The following ABI1 variants were observed in gnomAD, a reference collection of about 807,000 sequenced individuals.
ABI1 encodes the protein abl interactor 1.
A neutral mutation model predicts 54.6 loss-of-function variants in ABI1; 14 were observed. That is an observed-to-expected ratio of 0.26 (90% confidence interval 0.17 to 0.40). The LOEUF is 0.40. Among genes scored for constraint, ABI1 ranks in the 10% least tolerant of loss-of-function variants. The pLI, the probability that ABI1 is intolerant of heterozygous loss-of-function variation, is 1.00. For synonymous variants in ABI1, 194 were observed against 209.3 expected (o/e 0.93, Z 0.63); for missense variants, 443 against 598.3 (o/e 0.74, Z 2.71).
At chr10:26,767,106 T>C (rs1840057572) in intron 6 of ABI1, among the ~76,000 whole-genome samples, 1 of 152,212 alleles carries the variant, frequency 6.6e-6, no homozygotes, top group South Asian at 2.1e-4. Flanking sequence ...AAATGCCTAG[T>C]ATCTAATGAA....
chr10:26,762,984 T>C (rs972886784), intron 7 of ABI1, among the ~76,000 whole-genome samples: 2 of 152,246 alleles, frequency 1.3e-5, no homozygotes, highest in Non-Finnish European at 1.5e-5. Context: ...AGCTAACTTC[T>C]ACCTTTTTAC....
intron 1 of ABI1, among the ~76,000 whole-genome samples, chr10:26,835,106 A>AAAC (rs1554829833): frequency 0.088 from 10,990 of 124,686 alleles, 1,403 homozygotes; most frequent in African/African-American, 0.2. Flanking sequence ...AAAAAAAAAA[A>AAAC]AAAAAAAAAC....
rs1298596275 is a variant in ABI1 at position 26,748,747 on chromosome 10, T to A, written c.1271-2A>T. On this transcript the variant is annotated splice_acceptor_variant, in intron 10 of 10. Transcript: ENST00000376140. LOFTEE classifies it high-confidence loss of function. ...TTGTATAATCATATATTGCAACAAC[T>A]ATGGAAAAAACAGTTGAAATATCAC... 1 of 1,605,430 alleles carries A rather than the reference T, an allele frequency of 6.2e-7. No homozygotes were observed. Among genetic ancestry groups the A allele is most frequent in the South Asian group, 1.1e-5 (1 of 90,294 alleles).
chr10:26,795,957 C>G (rs190370392), intron 2 of ABI1, among the ~76,000 whole-genome samples: 1 of 152,270 alleles, frequency 6.6e-6, no homozygotes, highest in Admixed American at 6.5e-5. Flanking sequence ...GAAACTCCAG[C>G]CTGGTGACAG....
At chr10:26,843,550 A>T (rs2049750107) in intron 1 of ABI1, among the ~76,000 whole-genome samples, 1 of 142,160 alleles carries the variant, frequency 7.0e-6, no homozygotes, top group Non-Finnish European at 1.5e-5. Context: ...CTTCCATGTG[A>T]CTATAAAAGG....
intron 3 of ABI1, among the ~76,000 whole-genome samples, chr10:26,771,732 C>T (rs1312207500): frequency 6.6e-6 from 1 of 152,060 alleles, no homozygotes; most frequent in African/African-American, 2.4e-5. Context: ...CTTCTGAACC[C>T]CAATCCTGTG....
intron 2 of ABI1, among the ~76,000 whole-genome samples, chr10:26,817,821 A>C (rs2047674857): frequency 6.6e-6 from 1 of 152,160 alleles, no homozygotes; most frequent in East Asian, 1.9e-4. Flanking sequence ...TTCATGCTAA[A>C]GTATTCCAAG....
chr10:26,776,777 T>A (rs551842300), intron 3 of ABI1: 1 of 253,764 alleles, frequency 3.9e-6, no homozygotes, highest in African/African-American at 2.2e-5. Context: ...TATTTTTAAA[T>A]GTTCAGTAGT....
intron 2 of ABI1, among the ~76,000 whole-genome samples, chr10:26,808,982 A>G (rs1292135951): frequency 6.6e-6 from 1 of 151,800 alleles, no homozygotes; most frequent in Non-Finnish European, 1.5e-5. Flanking sequence ...TTTAAAAAAA[A>G]CAACTGGCCG....
At chr10:26,800,531 A>G (rs1164180385) in intron 2 of ABI1, among the ~76,000 whole-genome samples, 2 of 152,168 alleles carry the variant, frequency 1.3e-5, no homozygotes, top group Non-Finnish European at 2.9e-5. Flanking sequence ...TAATTCCAGT[A>G]CTTTGGTAGG....
intron 3 of ABI1, among the ~76,000 whole-genome samples, chr10:26,771,963 T>C (rs936252021): frequency 1.7e-4 from 26 of 152,124 alleles, no homozygotes; most frequent in African/African-American, 5.8e-4. Flanking sequence ...TAGAGTCTAA[T>C]TTTTTACAGA....
chr10:26,849,654 T>C (rs1259348241), intron 1 of ABI1, among the ~76,000 whole-genome samples: 4 of 152,204 alleles, frequency 2.6e-5, no homozygotes, highest in African/African-American at 7.2e-5. Context: ...AGCCTAATAC[T>C]TCAAGGAAAA....
At chr10:26,785,318 C>T (rs1215422317) in intron 2 of ABI1, among the ~76,000 whole-genome samples, 1 of 152,164 alleles carries the variant, frequency 6.6e-6, no homozygotes, top group Non-Finnish European at 1.5e-5. Context: ...TTGTTCCATA[C>T]CAACTTGCTA....
Position 26,755,761 on chromosome 10 carries a change from A to T in ABI1, c.998-20T>A, listed in dbSNP as rs746821575. The T allele has an allele frequency of 3.3e-6, 5 of 1,534,278 alleles. No homozygotes were observed. In the South Asian group the frequency reaches 5.7e-5, roughly 18 times the overall value. ...TAGAAACTGGTAGCAACAACACAGT[A>T]TGGGGGAAGTAAAACAGATAAAGGA... On this transcript the variant is annotated intron_variant, in intron 8 of 10. Transcript: ENST00000376140.
chr10:26,793,844 T>A (rs1451862344), intron 2 of ABI1, among the ~76,000 whole-genome samples: 1 of 152,250 alleles, frequency 6.6e-6, no homozygotes, highest in Non-Finnish European at 1.5e-5. Context: ...TGTTTTAATA[T>A]TTCATGAGTG....
At chr10:26,851,141 G>A (rs2134227498) in intron 1 of ABI1, among the ~76,000 whole-genome samples, 2 of 152,220 alleles carry the variant, frequency 1.3e-5, no homozygotes, top group Admixed American at 1.3e-4. Flanking sequence ...GAGAGCAGTG[G>A]AAATAGAACA....
At chr10:26,839,648 G>GT (rs1254869318) in intron 1 of ABI1, 31 of 596,716 alleles carry the variant, frequency 5.2e-5, no homozygotes, top group Non-Finnish European at 7.6e-5. Context: ...AAGTACTTCT[G>GT]TTTAAAAAAA....
intron 2 of ABI1, among the ~76,000 whole-genome samples, chr10:26,807,673 G>A (rs2046961747): frequency 6.6e-6 from 1 of 152,116 alleles, no homozygotes; most frequent in Admixed American, 6.6e-5. Flanking sequence ...TTCCCTTCAG[G>A]TCTCTCTTTC....
intron 1 of ABI1, among the ~76,000 whole-genome samples, chr10:26,852,121 A>G (rs573107907): frequency 1.3e-5 from 2 of 152,250 alleles, no homozygotes; most frequent in East Asian, 3.9e-4. Flanking sequence ...AGGAGACCCC[A>G]ACCCTCATAA....
Sources: gnomAD v4.1 joint callset for allele counts (sites outside exome capture counted in the v4.1 genomes callset) on GRCh38, gnomAD v4.1.1 for gene constraint, MANE v1.5 for transcripts, NCBI Gene and HGNC (gene_info 2026-07-23, HGNC 2026-07-21) for gene names.